The following ADAMTS6 variants were observed in gnomAD, a reference collection of about 807,000 sequenced individuals.
ADAMTS6 encodes ADAM metallopeptidase with thrombospondin type 1 motif 6.
Under a neutral mutation model 144.3 loss-of-function variants are expected in ADAMTS6, and 23 were observed. That is an observed-to-expected ratio of 0.16 (90% confidence interval 0.11 to 0.23). The LOEUF (loss-of-function observed/expected upper bound fraction) is 0.23. ADAMTS6 is among the 10% of genes least tolerant of loss of function. The pLI is 1.00. For synonymous variants in ADAMTS6, 444 were observed against 457.5 expected (o/e 0.97, Z 0.38); for missense variants, 999 against 1,379.6 (o/e 0.72, Z 4.37).
intron 9 of ADAMTS6, among the ~76,000 whole-genome samples, chr5:65,328,025 C>G (rs1334090537): frequency 1.3e-5 from 2 of 151,994 alleles, no homozygotes; most frequent in African/African-American, 4.8e-5. Context: ...GGGGCTTTTC[C>G]TTTTATTCAC....
chr5:65,462,583 T>C (rs1039274938), intron 3 of ADAMTS6, among the ~76,000 whole-genome samples: 4 of 152,234 alleles, frequency 2.6e-5, no homozygotes, highest in Non-Finnish European at 5.9e-5. Flanking sequence ...GAACTCGTGA[T>C]TGACTTTGGA....
At chr5:65,437,045 T>G (rs56077080) in intron 7 of ADAMTS6, among the ~76,000 whole-genome samples, 1 of 151,538 alleles carries the variant, frequency 6.6e-6, no homozygotes, top group South Asian at 2.1e-4. Context: ...GTGAAAGACA[T>G]GTCTCACATG....
At chr5:65,382,360 A>G (rs1205565716) in intron 7 of ADAMTS6, among the ~76,000 whole-genome samples, 9 of 152,180 alleles carry the variant, frequency 5.9e-5, no homozygotes, top group African/African-American at 2.2e-4. Context: ...TACTCCTATG[A>G]AATATCTGAT....
chr5:65,396,906 G>C (rs761650764), intron 7 of ADAMTS6, among the ~76,000 whole-genome samples: 14 of 152,212 alleles, frequency 9.2e-5, no homozygotes, highest in Admixed American at 2.0e-4. Context: ...AGATTGTAGA[G>C]AATCAGTATA....
intron 17 of ADAMTS6, 63 bp downstream of exon 17, chr5:65,224,861 C>G: frequency 6.7e-7 from 1 of 1,494,024 alleles, no homozygotes; most frequent in South Asian, 1.4e-5. Context: ...GGAGGCGAAG[C>G]GAGGGTTTTG....
intron 7 of ADAMTS6, among the ~76,000 whole-genome samples, chr5:65,409,524 A>C (rs1424118960): frequency 2.0e-5 from 3 of 152,136 alleles, no homozygotes; most frequent in African/African-American, 7.2e-5. Flanking sequence ...CCAACCAAAA[A>C]AAGTCCAGGA....
At chr5:65,352,157 T>C (rs1748911956) in intron 7 of ADAMTS6, among the ~76,000 whole-genome samples, 1 of 144,160 alleles carries the variant, frequency 6.9e-6, no homozygotes, top group African/African-American at 2.4e-5. Context: ...AAAGCATAGA[T>C]GCAAAGATGT....
At chr5:65,318,612 C>T (rs141775285) in intron 9 of ADAMTS6, among the ~76,000 whole-genome samples, 173 of 152,184 alleles carry the variant, frequency 1.1e-3, no homozygotes, top group Non-Finnish European at 2.0e-3. Flanking sequence ...TTATGCTAAG[C>T]GAAATAAGCC....
chr5:65,481,019 G>C (rs1761160323), intron 1 of ADAMTS6, among the ~76,000 whole-genome samples: 2 of 151,944 alleles, frequency 1.3e-5, no homozygotes, highest in African/African-American at 4.8e-5. Flanking sequence ...ATTACTATTT[G>C]GTGATCAGTT....
chr5:65,328,353 C>CA (rs1377756060), intron 9 of ADAMTS6, among the ~76,000 whole-genome samples: 1 of 151,680 alleles, frequency 6.6e-6, no homozygotes. Context: ...ATGACGCCAC[C>CA]AAAAAAAGCA....
chr5:65,467,249 G>T (rs1392570697), intron 3 of ADAMTS6, among the ~76,000 whole-genome samples: 5 of 151,948 alleles, frequency 3.3e-5, no homozygotes, highest in African/African-American at 1.2e-4. Context: ...GAAAGAGAGT[G>T]CAGGGAGGAA....
intron 7 of ADAMTS6, among the ~76,000 whole-genome samples, chr5:65,418,908 G>T (rs1666406770): frequency 1.3e-5 from 2 of 152,046 alleles, no homozygotes; most frequent in South Asian, 4.1e-4. Context: ...ACAAATGCTG[G>T]CATGCTGTGG....
intron 7 of ADAMTS6, among the ~76,000 whole-genome samples, chr5:65,347,130 T>G (rs1355561333): frequency 6.6e-6 from 1 of 151,794 alleles, no homozygotes; most frequent in African/African-American, 2.4e-5. Flanking sequence ...TCCAAAGCAA[T>G]CTACAGATTC....
At chr5:65,407,128 C>A (rs1192108791) in intron 7 of ADAMTS6, among the ~76,000 whole-genome samples, 1 of 152,096 alleles carries the variant, frequency 6.6e-6, no homozygotes, top group African/African-American at 2.4e-5. Flanking sequence ...TCAGGAAATA[C>A]AGAGAATGCC....
intron 9 of ADAMTS6, among the ~76,000 whole-genome samples, chr5:65,322,654 G>A (rs921685898): frequency 1.4e-5 from 2 of 147,808 alleles, no homozygotes; most frequent in Admixed American, 1.4e-4. Context: ...GTGAATGAAA[G>A]TTCATTCCTG....
chr5:65,206,234 A>G (rs913275965), intron 20 of ADAMTS6, among the ~76,000 whole-genome samples: 2 of 152,220 alleles, frequency 1.3e-5, no homozygotes, highest in African/African-American at 2.4e-5. Context: ...GTTAGTTCCA[A>G]ATAACTTCTT....
intron 24 of ADAMTS6, among the ~76,000 whole-genome samples, chr5:65,158,612 T>C (rs1752566530): frequency 1.3e-5 from 2 of 152,210 alleles, no homozygotes; most frequent in South Asian, 2.1e-4. Flanking sequence ...AACTGACATA[T>C]GTACTTCAAA....
intron 14 of ADAMTS6, among the ~76,000 whole-genome samples, chr5:65,245,678 T>C (rs1759567773): frequency 6.6e-6 from 1 of 152,158 alleles, no homozygotes; most frequent in South Asian, 2.1e-4. Flanking sequence ...CATAATATTT[T>C]TTCGCTTTAG....
In ADAMTS6 at chr5:65,172,821, A is replaced by G. The variant is rs376199311; in HGVS notation, c.3087+11T>C. On this transcript the variant is annotated intron_variant, in intron 23 of 24. Coordinates refer to ENST00000381055, the MANE Select transcript of ADAMTS6 (RefSeq NM_197941.4). ...CTATTTCAGCAGGAGCCCACAGTAC[A>G]AACGCCTTACCTGGCCCCAGTCTCC... 81 of 1,612,606 alleles carry G rather than the reference A, an allele frequency of 5.0e-5. No homozygotes were observed. The African/African-American group carries it at 8.7e-4, about 17-fold the overall frequency.
Sources: allele counts gnomAD v4.1 joint callset (sites outside exome capture counted in the v4.1 genomes callset), GRCh38; gene constraint gnomAD v4.1.1; transcripts MANE v1.5; gene names NCBI Gene and HGNC (gene_info 2026-07-23, HGNC 2026-07-21).